The following THSD4 variants were observed in gnomAD, a reference collection of about 807,000 sequenced individuals.
THSD4 encodes thrombospondin type-1 domain-containing protein 4.
THSD4 carries 69 observed loss-of-function variants against 119.0 expected under a neutral mutation model. The ratio of observed to expected loss-of-function variants is 0.58; its 90% CI spans 0.48 to 0.71. THSD4 has a LOEUF of 0.71. THSD4 is among the 30% of genes least tolerant of loss of function. THSD4 has a pLI of 0.00. For missense variants in THSD4, 1,393 were observed against 1,391.1 expected, an observed-to-expected ratio of 1.00 and a Z score of -0.02; for synonymous variants, 524 against 540.4, an observed-to-expected ratio of 0.97 and a Z score of 0.42.
At position 71,421,305 on chromosome 15, in the gene THSD4, C is replaced by A. The variant is rs745378986; in HGVS notation, c.1152+9482C>A. Among the ~76,000 whole-genome samples the A allele has an allele frequency of 2.6e-4, 10 of 38,690 alleles. 3 individuals carry two copies. The highest frequency in any genetic ancestry group is 6.0e-4 in the Non-Finnish European group (10 of 16,700). 25.4% of individuals were successfully genotyped at this position (38,690 alleles called of 152,430 possible). On this transcript the variant is annotated intron_variant, in intron 7 of 17. Transcript: ENST00000261862. ...TCTTATTGCTCATTAACATCATTTT[C>A]TTTCTAGTCTCTTTCTACTCCCTTT...
At chr15:71,191,215 A>G (rs577751718) in intron 3 of THSD4, among the ~76,000 whole-genome samples, 26 of 152,062 alleles carry the variant, frequency 1.7e-4, no homozygotes, top group African/African-American at 6.3e-4. Flanking sequence ...TTCCCCTGGG[A>G]TCCCTTCCCC....
At chr15:71,750,520 C>T (rs1481862639) in intron 14 of THSD4, among the ~76,000 whole-genome samples, 1 of 152,242 alleles carries the variant, frequency 6.6e-6, no homozygotes, top group Non-Finnish European at 1.5e-5. Context: ...TTCACTCCAC[C>T]TCCAGAGATG....
At chr15:71,336,005 A>G (rs558092925) in intron 6 of THSD4, among the ~76,000 whole-genome samples, 1 of 152,306 alleles carries the variant, frequency 6.6e-6, no homozygotes, top group Non-Finnish European at 1.5e-5. Context: ...TCAATGAAAA[A>G]AAGAATCTCA....
At chr15:71,543,452 G>A (rs2048789618) in intron 7 of THSD4, among the ~76,000 whole-genome samples, 1 of 152,116 alleles carries the variant, frequency 6.6e-6, no homozygotes, top group African/African-American at 2.4e-5. Flanking sequence ...GACCTGTTGG[G>A]GAGCTCTCTA....
intron 7 of THSD4, among the ~76,000 whole-genome samples, chr15:71,448,938 G>A (rs368811847): frequency 6.6e-6 from 1 of 152,206 alleles, no homozygotes; most frequent in South Asian, 2.1e-4. Context: ...GAGAAGTGGT[G>A]AAAACTGGGG....
chr15:71,749,822 CA>C (rs942786623), intron 14 of THSD4, among the ~76,000 whole-genome samples: 1 of 151,650 alleles, frequency 6.6e-6, no homozygotes, highest in Non-Finnish European at 1.5e-5. Context: ...TGGGATCAAG[CA>C]ATCCTCCTGC....
intron 4 of THSD4, among the ~76,000 whole-genome samples, chr15:71,216,879 C>T (rs191938111): frequency 1.6e-4 from 24 of 152,294 alleles, no homozygotes; most frequent in Non-Finnish European, 2.6e-4. Context: ...CTCACTGCAG[C>T]CTCCAACTCC....
chr15:71,205,168 ATTGTG>A (rs1317085951), intron 3 of THSD4, among the ~76,000 whole-genome samples: 1 of 152,198 alleles, frequency 6.6e-6, no homozygotes, highest in Admixed American at 6.5e-5. Context: ...CGTCAGGTAG[ATTGTG>A]TTGCACATTA....
At chr15:71,634,197 A>AG (rs1567073647) in intron 7 of THSD4, among the ~76,000 whole-genome samples, 5 of 151,188 alleles carry the variant, frequency 3.3e-5, no homozygotes, top group Admixed American at 1.3e-4. Flanking sequence ...CAAAAAAAAA[A>AG]AAAAAAGAAA....
At chr15:71,708,452 T>C (rs1381910498) in intron 8 of THSD4, among the ~76,000 whole-genome samples, 1 of 152,104 alleles carries the variant, frequency 6.6e-6, no homozygotes, top group Non-Finnish European at 1.5e-5. Flanking sequence ...GGGTCAGTAA[T>C]GGGAGTTTGA....
intron 6 of THSD4, among the ~76,000 whole-genome samples, chr15:71,405,432 A>C (rs1444630695): frequency 6.6e-6 from 1 of 152,206 alleles, no homozygotes; most frequent in Admixed American, 6.5e-5. Context: ...TCCCACTGTC[A>C]TTTGTTGCAA....
chr15:71,461,179 T>G (rs1030233151), intron 7 of THSD4, among the ~76,000 whole-genome samples: 1 of 152,210 alleles, frequency 6.6e-6, no homozygotes, highest in Non-Finnish European at 1.5e-5. Context: ...CTGGAAGATT[T>G]GTTTGCAAGA....
At chr15:71,470,171 C>A (rs1024229507) in intron 7 of THSD4, among the ~76,000 whole-genome samples, 46 of 151,962 alleles carry the variant, frequency 3.0e-4, no homozygotes, top group African/African-American at 1.1e-3. Flanking sequence ...TAAATCTTTT[C>A]ATTTTTTTTC....
At chr15:71,468,337 C>G (rs1201223215) in intron 7 of THSD4, among the ~76,000 whole-genome samples, 1 of 152,208 alleles carries the variant, frequency 6.6e-6, no homozygotes, top group Non-Finnish European at 1.5e-5. Flanking sequence ...TCTTTATTAG[C>G]AGCATGAGAA....
intron 7 of THSD4, among the ~76,000 whole-genome samples, chr15:71,613,664 A>G (rs1286115923): frequency 2.6e-5 from 4 of 152,178 alleles, no homozygotes; most frequent in East Asian, 3.8e-4. Context: ...TTATGAATCC[A>G]TACCTTCACC....
intron 3 of THSD4, among the ~76,000 whole-genome samples, chr15:71,171,992 T>C (rs1183308464): frequency 6.6e-6 from 1 of 152,142 alleles, no homozygotes; most frequent in Non-Finnish European, 1.5e-5. Context: ...GCCATCAAAG[T>C]GACAAAATGA....
At chr15:71,299,975 AAAT>A (rs1487405587) in intron 6 of THSD4, among the ~76,000 whole-genome samples, 326 of 22,966 alleles carry the variant, frequency 0.014, 1 homozygote, top group African/African-American at 0.029. Flanking sequence ...AAAAAAAAAA[AAAT>A]ATATATATAT....
At chr15:71,661,515 C>T (rs2051307678) in intron 8 of THSD4, among the ~76,000 whole-genome samples, 1 of 151,910 alleles carries the variant, frequency 6.6e-6, no homozygotes, top group Admixed American at 6.6e-5. Context: ...CCTGCCTCAG[C>T]CTCCCGAGTA....
chr15:71,724,287 A>ATATATATTTTT, intron 8 of THSD4, among the ~76,000 whole-genome samples: 1 of 37,288 alleles, frequency 2.7e-5, no homozygotes, highest in African/African-American at 6.6e-5. Context: ...ATATATATAT[A>ATATATATTTTT]TTTTTTTTTT....
Sources: allele counts gnomAD v4.1 joint callset (sites outside exome capture counted in the v4.1 genomes callset), GRCh38; gene constraint gnomAD v4.1.1; transcripts MANE v1.5; gene names NCBI Gene and HGNC (gene_info 2026-07-23, HGNC 2026-07-21).